VWDE: variants seen among roughly 807,000 people sequenced by gnomAD.
VWDE encodes von Willebrand factor D and EGF domain-containing protein.
Under a neutral mutation model 178.4 loss-of-function variants are expected in VWDE, and 207 were observed. The ratio of observed to expected loss-of-function variants is 1.16; its 90% confidence interval spans 1.04 to 1.30. The LOEUF (loss-of-function observed/expected upper bound fraction) is 1.30, where lower values mean the gene tolerates loss of function less well. Ranked by LOEUF, VWDE falls within the 50% of genes most tolerant of loss-of-function variation. The pLI is 0.00. For missense variants in VWDE, 2,287 were observed against 1,901.3 expected, an observed-to-expected ratio of 1.20 and a Z score of -3.77; for synonymous variants, 738 against 651.4, an observed-to-expected ratio of 1.13 and a Z score of -2.02.
chr7:12,359,433 C>A, intron 16 of VWDE, 145 bp downstream of exon 16: 2 of 542,732 alleles, frequency 3.7e-6, no homozygotes, highest in Non-Finnish European at 3.3e-6. Flanking sequence ...ATCCTATACC[C>A]TCAACGTAAA....
At chr7:12,335,703 C>A (rs1034115809) in intron 27 of VWDE, among the ~76,000 whole-genome samples, 1 of 152,194 alleles carries the variant, frequency 6.6e-6, no homozygotes, top group Non-Finnish European at 1.5e-5. Context: ...GATCCGCTGG[C>A]CTTGGCCTCC....
intron 18 of VWDE, among the ~76,000 whole-genome samples, 193 bp downstream of exon 18, chr7:12,355,918 A>T (rs7797085): frequency 0.92 from 140,260 of 152,248 alleles, 64,765 homozygotes; most frequent in African/African-American, 0.98. Flanking sequence ...ATTGGCAAAA[A>T]TGTAATAGTG....
Position 12,375,192 on chromosome 7 carries a change from A to T in VWDE, c.1060T>A (p.Ser354Thr). 1 of 1,551,152 alleles carries T rather than the reference A, an allele frequency of 6.4e-7. No homozygotes were observed. Among genetic ancestry groups the T allele is most frequent in the South Asian group, 1.2e-5 (1 of 84,052 alleles). ...EHLGLNLALS[S>T]CHVDLLQTSS... ...GTCTGGAGAAGGTCCACATGACAGG[A>T]AGACAGTGCCAAATTTAAGCCTAGG... Residue 354 changes from serine to threonine, a missense_variant, in exon 8 of 29, where the codon TCC becomes ACC. Transcript: ENST00000275358.
chr7:12,382,548 T>G (rs1435068679), intron 4 of VWDE, among the ~76,000 whole-genome samples: 1 of 151,950 alleles, frequency 6.6e-6, no homozygotes, highest in Non-Finnish European at 1.5e-5. Flanking sequence ...AAACTCTTTT[T>G]AAAATACCAA....
At chr7:12,382,264 G>T (rs1315865497) in intron 4 of VWDE, among the ~76,000 whole-genome samples, 2 of 151,606 alleles carry the variant, frequency 1.3e-5, no homozygotes, top group African/African-American at 4.8e-5. Flanking sequence ...AGGAAAAAGT[G>T]ATTTTGCTAC....
intron 1 of VWDE, among the ~76,000 whole-genome samples, chr7:12,397,088 G>C (rs1448010035): frequency 1.3e-5 from 2 of 151,502 alleles, no homozygotes; most frequent in African/African-American, 2.4e-5. Flanking sequence ...TTCATATAGA[G>C]CCAAAAAAGT....
intron 1 of VWDE, among the ~76,000 whole-genome samples, chr7:12,398,651 G>A (rs1469094339): frequency 6.6e-6 from 1 of 152,134 alleles, no homozygotes; most frequent in East Asian, 1.9e-4. Context: ...TTTTTGTGCA[G>A]GATGTAGACT....
chr7:12,386,424 A>G (rs1401877996), intron 3 of VWDE, among the ~76,000 whole-genome samples: 2 of 152,172 alleles, frequency 1.3e-5, no homozygotes, highest in Non-Finnish European at 2.9e-5. Context: ...CTCCCTCAGG[A>G]TAATTCTCCA....
chr7:12,336,366 T>A (rs1781030373), intron 26 of VWDE, 130 bp from the exon 27 acceptor site: 1 of 721,762 alleles, frequency 1.4e-6, no homozygotes, highest in Non-Finnish European at 2.2e-6. Context: ...AATTTTTCCC[T>A]AATATTTTAT....
At chr7:12,392,769 G>A (rs1420402207) in intron 2 of VWDE, among the ~76,000 whole-genome samples, 5 of 148,496 alleles carry the variant, frequency 3.4e-5, no homozygotes, top group Non-Finnish European at 5.9e-5. Flanking sequence ...CAATCATATC[G>A]TGTTGTAAAA....
chr7:12,348,376 C>G (rs1043654318), intron 19 of VWDE, among the ~76,000 whole-genome samples: 94 of 144,924 alleles, frequency 6.5e-4, no homozygotes, highest in African/African-American at 2.3e-3. Context: ...AACAAATTTA[C>G]AAGAAAAAAA....
rs781656610 is a variant in VWDE at position 12,361,499 on chromosome 7, G to A, written c.2921C>T (p.Pro974Leu). The stretch of plus-strand genomic sequence containing the variant: ...AGTCTGTGTATAGATGGGTTCTCCA[G>A]GCATCCATTCACTGCTATTATACTG... ...KLQYNSSEWM[P>L]GEPIYTQTVF... The change falls in exon 14 of 29, where the codon CCT (proline) becomes CTT (leucine). Residue 974 changes from proline to leucine, a missense_variant. Pro to Leu is a moderately conservative substitution (Grantham distance 98). Transcript: ENST00000275358. The A allele has an allele frequency of 1.9e-6, 3 of 1,548,992 alleles. No individual in the cohort carries two copies. The South Asian group carries it at 3.6e-5, about 19-fold the overall frequency.
chr7:12,346,688 T>A (rs1562468944), intron 19 of VWDE, among the ~76,000 whole-genome samples: 1 of 152,112 alleles, frequency 6.6e-6, no homozygotes, highest in Non-Finnish European at 1.5e-5. Context: ...TTTTTACTTC[T>A]TTGGTATGGA....
chr7:12,331,235 G>C (rs1313621756), intron 28 of VWDE, 38 bp from the exon 29 acceptor site: 2 of 1,519,016 alleles, frequency 1.3e-6, no homozygotes, highest in Non-Finnish European at 1.8e-6. Context: ...TCAATGAATA[G>C]TATAAAATCA....
Position 12,370,803 on chromosome 7 carries a change from G to C in VWDE, c.1649C>G (p.Thr550Arg). 1 of 1,551,082 alleles carries C rather than the reference G, an allele frequency of 6.4e-7. No individual in the cohort carries two copies. Among genetic ancestry groups the C allele is most frequent in the African/African-American group, 1.4e-5 (1 of 73,062 alleles). ...GTAATCTACACTAGGGGCTCTGATC[G>C]TTAGACTCATGCCCCATTCACCAAG... ...ADLGEWGMSL[T>R]IRAPSVDYRN... Residue 550 changes from threonine (T) to arginine (R), a missense_variant, in exon 11 of 29, where the codon ACG (threonine) becomes AGG (arginine). By Grantham distance (71) the Thr-to-Arg change is moderately conservative. Transcript: ENST00000275358.
At chr7:12,376,317 T>A (rs1174632418) in intron 7 of VWDE, among the ~76,000 whole-genome samples, 1 of 140,480 alleles carries the variant, frequency 7.1e-6, no homozygotes, top group Non-Finnish European at 1.6e-5. Context: ...TGGTTCCCTA[T>A]GAAAGTAAAG....
At chr7:12,401,419 C>G (rs1444241809) in intron 1 of VWDE, among the ~76,000 whole-genome samples, 1 of 152,044 alleles carries the variant, frequency 6.6e-6, no homozygotes, top group Non-Finnish European at 1.5e-5. Flanking sequence ...AAAATTATAT[C>G]TGGAATATGC....
At chr7:12,349,972 C>A (rs982095179) in intron 19 of VWDE, among the ~76,000 whole-genome samples, 1 of 151,890 alleles carries the variant, frequency 6.6e-6, no homozygotes. Flanking sequence ...AGAGGAGGCA[C>A]AAACATTGAT....
chr7:12,390,907 C>T (rs1004530565), intron 2 of VWDE, among the ~76,000 whole-genome samples: 1 of 152,038 alleles, frequency 6.6e-6, no homozygotes, highest in Non-Finnish European at 1.5e-5. Context: ...ACTAAAGACA[C>T]TAAAATTAAA....
Sources: gnomAD v4.1 joint callset for allele counts (sites outside exome capture counted in the v4.1 genomes callset) on GRCh38, gnomAD v4.1.1 for gene constraint, MANE v1.5 for transcripts, NCBI Gene and HGNC (gene_info 2026-07-23, HGNC 2026-07-21) for gene names.